CSMD3: variants seen among roughly 807,000 people sequenced by gnomAD.
CSMD3 encodes CUB and Sushi multiple domains 3, also known as CUB and sushi domain-containing protein 3.
Under a neutral mutation model 435.2 loss-of-function variants are expected in CSMD3, and 177 were observed. That is an observed-to-expected ratio of 0.41 (90% CI 0.36 to 0.46). CSMD3 has a LOEUF of 0.46. Ranked by LOEUF, CSMD3 falls within the 20% of genes least tolerant of loss-of-function variation. CSMD3 has a pLI of 0.34. For synonymous variants in CSMD3, 1,656 were observed against 1,520.5 expected, an observed-to-expected ratio of 1.09 and a Z score of -2.07; for missense variants, 4,265 against 4,504.6, an observed-to-expected ratio of 0.95 and a Z score of 1.52.
chr8:112,447,772 T>G (rs2130564633), intron 32 of CSMD3, among the ~76,000 whole-genome samples: 1 of 152,302 alleles, frequency 6.6e-6, no homozygotes, highest in South Asian at 2.1e-4. Flanking sequence ...AGGACTTATC[T>G]TTTGCTACCA....
At chr8:113,197,765 T>A (rs188861906) in intron 3 of CSMD3, among the ~76,000 whole-genome samples, 206 of 151,382 alleles carry the variant, frequency 1.4e-3, no homozygotes, top group African/African-American at 4.6e-3. Flanking sequence ...ATTGTAAACA[T>A]CATATAATCA....
intron 7 of CSMD3, among the ~76,000 whole-genome samples, chr8:112,959,275 G>T (rs1248597355): frequency 6.6e-6 from 1 of 151,908 alleles, no homozygotes; most frequent in Non-Finnish European, 1.5e-5. Context: ...AATGTTTTCA[G>T]AACAGTCTGA....
intron 7 of CSMD3, among the ~76,000 whole-genome samples, chr8:112,955,571 G>A (rs540348506): frequency 6.6e-6 from 1 of 151,826 alleles, no homozygotes; most frequent in Non-Finnish European, 1.5e-5. Context: ...GTTAAATATA[G>A]TTGCCCTATT....
At chr8:112,726,744 A>G (rs1362559446) in intron 13 of CSMD3, among the ~76,000 whole-genome samples, 1 of 151,886 alleles carries the variant, frequency 6.6e-6, no homozygotes, top group African/African-American at 2.4e-5. Context: ...CAACAACGTA[A>G]TGAAAGATAA....
chr8:112,377,560 C>A (rs1186004432), intron 38 of CSMD3, among the ~76,000 whole-genome samples: 1 of 152,148 alleles, frequency 6.6e-6, no homozygotes. Context: ...AAGTATAATC[C>A]AATATCCCTT....
intron 3 of CSMD3, among the ~76,000 whole-genome samples, chr8:113,194,581 T>A (rs1455807226): frequency 2.0e-5 from 3 of 151,324 alleles, no homozygotes; most frequent in East Asian, 3.9e-4. Flanking sequence ...ATAAATTTAT[T>A]GATAGTAACA....
At chr8:112,340,836 T>C (rs1415032001) in intron 42 of CSMD3, among the ~76,000 whole-genome samples, 2 of 152,052 alleles carry the variant, frequency 1.3e-5, no homozygotes, top group Non-Finnish European at 2.9e-5. Context: ...TTAACTCCAT[T>C]ATGCACATGA....
At chr8:112,640,635 G>A (rs1243866678) in intron 20 of CSMD3, among the ~76,000 whole-genome samples, 1 of 151,356 alleles carries the variant, frequency 6.6e-6, no homozygotes, top group Non-Finnish European at 1.5e-5. Flanking sequence ...CAATACAAGA[G>A]CCCTTTTAGA....
intron 1 of CSMD3, among the ~76,000 whole-genome samples, chr8:113,410,919 A>C (rs1194165917): frequency 6.8e-6 from 1 of 147,556 alleles, no homozygotes; most frequent in Admixed American, 6.7e-5. Context: ...GAAAGAAAGA[A>C]AGAAAGAAAG....
chr8:112,850,372 T>C (rs924058442), intron 11 of CSMD3, among the ~76,000 whole-genome samples: 5 of 152,168 alleles, frequency 3.3e-5, no homozygotes, highest in Non-Finnish European at 1.5e-5. Flanking sequence ...ACAATATTCT[T>C]GATTATAAAT....
At chr8:113,111,826 G>A (rs1304197392) in intron 4 of CSMD3, among the ~76,000 whole-genome samples, 4 of 151,938 alleles carry the variant, frequency 2.6e-5, no homozygotes, top group African/African-American at 7.3e-5. Flanking sequence ...GTTTACAGGC[G>A]CCTGCCACCA....
intron 32 of CSMD3, among the ~76,000 whole-genome samples, chr8:112,431,285 C>T (rs1181190663): frequency 6.6e-6 from 1 of 151,798 alleles, no homozygotes; most frequent in Non-Finnish European, 1.5e-5. Flanking sequence ...ATCAATTATA[C>T]TTTTTGAATT....
intron 7 of CSMD3, among the ~76,000 whole-genome samples, chr8:112,968,354 A>T (rs1263375063): frequency 6.6e-6 from 1 of 151,936 alleles, no homozygotes; most frequent in Non-Finnish European, 1.5e-5. Flanking sequence ...TCATATTATT[A>T]AGATATTATT....
At chr8:113,116,009 A>G (rs1489331197) in intron 4 of CSMD3, among the ~76,000 whole-genome samples, 1 of 152,186 alleles carries the variant, frequency 6.6e-6, no homozygotes, top group Non-Finnish European at 1.5e-5. Flanking sequence ...CCTTCACCAG[A>G]CACTGTATCT....
At chr8:113,246,823 A>T (rs1421000273) in intron 3 of CSMD3, among the ~76,000 whole-genome samples, 1 of 152,188 alleles carries the variant, frequency 6.6e-6, no homozygotes, top group Non-Finnish European at 1.5e-5. Context: ...AAGTCTGCTT[A>T]ATTATCTCAG....
At chr8:112,316,426 A>G (rs1004302222) in intron 47 of CSMD3, among the ~76,000 whole-genome samples, 6 of 151,850 alleles carry the variant, frequency 4.0e-5, no homozygotes, top group Non-Finnish European at 5.9e-5. Context: ...TATGGAATAT[A>G]TGAGTCAAAG....
At chr8:113,217,421 A>C (rs1317514565) in intron 3 of CSMD3, among the ~76,000 whole-genome samples, 1 of 151,592 alleles carries the variant, frequency 6.6e-6, no homozygotes, top group Non-Finnish European at 1.5e-5. Context: ...TTAATAGATA[A>C]GAATTTTAAA....
At chr8:112,695,312 T>C (rs1217715570) in intron 13 of CSMD3, among the ~76,000 whole-genome samples, 1 of 152,236 alleles carries the variant, frequency 6.6e-6, no homozygotes. Context: ...AGTATTGTGT[T>C]ATGTATATCA....
At chr8:112,778,464 G>A (rs1385723219) in intron 13 of CSMD3, among the ~76,000 whole-genome samples, 1 of 151,904 alleles carries the variant, frequency 6.6e-6, no homozygotes, top group Non-Finnish European at 1.5e-5. Context: ...CATATAGTAT[G>A]TAGACTTCTC....
Sources: allele counts gnomAD v4.1 joint callset (sites outside exome capture counted in the v4.1 genomes callset), GRCh38; gene constraint gnomAD v4.1.1; transcripts MANE v1.5; gene names NCBI Gene and HGNC (gene_info 2026-07-23, HGNC 2026-07-21).